POTEE: variants seen among roughly 807,000 people sequenced by gnomAD.
POTEE encodes ANKRD26-like family C member 1A.
A neutral mutation model predicts 74.2 loss-of-function variants in POTEE; 21 were observed. The ratio of observed to expected loss-of-function variants is 0.28; its 90% CI spans 0.20 to 0.41. The LOEUF (loss-of-function observed/expected upper bound fraction) is 0.41, where lower values mean the gene tolerates loss of function less well. Among genes scored for constraint, POTEE ranks in the 10% least tolerant of loss-of-function variants. The pLI is 1.00. For missense variants in POTEE, 525 were observed against 1,158.6 expected (o/e 0.45, Z 7.94); for synonymous variants, 211 against 432.8 (o/e 0.49, Z 6.36).
intron 9 of POTEE, among the ~76,000 whole-genome samples, 186 bp downstream of exon 9, chr2:131,231,092 ATAAT>A (rs1188016312): frequency 3.3e-5 from 5 of 151,302 alleles, no homozygotes; most frequent in African/African-American, 1.2e-4. Flanking sequence ...ATATAATGAA[ATAAT>A]TATACAACTT....
At position 131,220,373 on chromosome 2, in the gene POTEE, G is replaced by C. The variant is rs1040917305; in HGVS notation, c.521+1450G>C. Among the ~76,000 whole-genome samples, 200 of 151,348 alleles carry C rather than the reference G, an allele frequency of 1.3e-3. 1 individual carries two copies. Among genetic ancestry groups the C allele is most frequent in the Non-Finnish European group, 1.8e-3 (123 of 67,812 alleles). On this transcript the variant is annotated intron_variant, in intron 4 of 17. Coordinates refer to ENST00000683005, the MANE Select transcript of POTEE (RefSeq NM_001083538.3). ...CGCCTGCCACCACGCCTGGCTAATT[G>C]CTTTGTATTTTTAGTAGAGATGGGG...
chr2:131,224,140 C>G, intron 6 of POTEE, 97 bp downstream of exon 6: 1 of 1,440,514 alleles, frequency 6.9e-7, no homozygotes, highest in Non-Finnish European at 9.3e-7. Flanking sequence ...GAAGCTCAAG[C>G]ATAACCTGAA....
intron 9 of POTEE, among the ~76,000 whole-genome samples, chr2:131,231,814 A>C (rs143242285): frequency 5.5e-4 from 84 of 152,318 alleles, no homozygotes; most frequent in African/African-American, 2.0e-3. Context: ...AAACGCTAGT[A>C]TGCTACCTGG....
chr2:131,264,052 A>G lies in POTEE; in HGVS notation c.2597A>G (p.Tyr866Cys), dbSNP rs375021375. Residue 866 changes from tyrosine to cysteine, a missense_variant, in exon 18 of 18, where the codon TAT (tyrosine) becomes TGT (cysteine). Transcript: ENST00000683005. ...GDGVTHTVPI[Y>C]EGNALPHATL... ...GGGGTCACCCACACTGTGCCCATCT[A>G]TGAGGGGAATGCCCTCCCCCATGCC... 4.1e-5 allele frequency: 66 copies of G among 1,614,180 alleles called. No individual in the cohort carries two copies. The African/African-American group carries it at 7.6e-4, about 19-fold the overall frequency.
chr2:131,211,710 G>A (rs1464200871), intron 2 of POTEE, among the ~76,000 whole-genome samples: 10 of 151,138 alleles, frequency 6.6e-5, no homozygotes, highest in African/African-American at 2.2e-4. Context: ...CTGCCACCAC[G>A]CCCAGCCAAT....
At chr2:131,236,218 G>C (rs1187980413) in intron 9 of POTEE, among the ~76,000 whole-genome samples, 5 of 152,088 alleles carry the variant, frequency 3.3e-5, no homozygotes, top group African/African-American at 4.8e-5. Flanking sequence ...AATGCTGAGG[G>C]GAAGGGGAGA....
intron 9 of POTEE, among the ~76,000 whole-genome samples, chr2:131,233,803 G>C (rs1398832093): frequency 8.6e-5 from 13 of 150,354 alleles, no homozygotes; most frequent in African/African-American, 3.0e-4. Context: ...AATGAGAAAG[G>C]CTTGGGGGAC....
At position 131,228,133 on chromosome 2, in the gene POTEE, G is replaced by T. The variant is rs1376245259; in HGVS notation, c.918-111G>T. 2.9e-5 allele frequency: 43 copies of T among 1,488,470 alleles called. No individual in the cohort carries two copies. In the African/African-American group the frequency reaches 5.1e-4, roughly 18 times the overall value. The allele number at this position is 1,488,470 out of a possible 1,614,324, so 92.2% of individuals were successfully genotyped here. A position where few individuals can be genotyped will look rare whatever the true frequency, so the allele number is the denominator to read the frequency against. The stretch of plus-strand genomic sequence containing the variant: ...GCACTCAAGATGCTTATGTCTTTTA[G>T]TGCATGTAAATGTTTGATTCTGCAC... On this transcript the variant is annotated intron_variant, in intron 7 of 17. Coordinates refer to ENST00000683005, the MANE Select transcript of POTEE (RefSeq NM_001083538.3).
chr2:131,256,891 A>T (rs1321105586), intron 16 of POTEE, among the ~76,000 whole-genome samples: 1 of 152,312 alleles, frequency 6.6e-6, no homozygotes, highest in Non-Finnish European at 1.5e-5. Flanking sequence ...TCAATTGGGA[A>T]CATACCAGGG....
chr2:131,233,281 C>T (rs1218559801), intron 9 of POTEE, among the ~76,000 whole-genome samples: 1 of 151,858 alleles, frequency 6.6e-6, no homozygotes, highest in Non-Finnish European at 1.5e-5. Context: ...ATCTACTTAA[C>T]CCTGCTGTTG....
chr2:131,243,872 A>G (rs1701307501), intron 12 of POTEE, among the ~76,000 whole-genome samples: 1 of 33,636 alleles, frequency 3.0e-5, no homozygotes, highest in Non-Finnish European at 5.9e-5. Flanking sequence ...CGTCTCAAAA[A>G]AAAAAAAAAA....
At chr2:131,210,406 A>G (rs1700333291) in intron 1 of POTEE, among the ~76,000 whole-genome samples, 1 of 149,428 alleles carries the variant, frequency 6.7e-6, no homozygotes, top group African/African-American at 2.5e-5. Flanking sequence ...CGGGGGCTAC[A>G]CTGCCGGCGG....
intron 6 of POTEE, among the ~76,000 whole-genome samples, chr2:131,225,386 A>G (rs1348722559): frequency 1.3e-5 from 2 of 151,932 alleles, no homozygotes; most frequent in African/African-American, 4.8e-5. Flanking sequence ...TCTAACAACA[A>G]CAACAACAAC....
chr2:131,264,201 C>T lies in POTEE; in HGVS notation c.2746C>T (p.Leu916=), dbSNP rs1701829259. The part of the protein sequence containing the change: ...REIVRDIKEK[L]CYVALDFEQE... ...AATCGTGCGTGACATCAAAGAGAAG[C>T]TGTGCTATGTTGCCCTGGACTTCGA... is the stretch of plus-strand genomic sequence containing the variant. Residue 916 remains leucine, a synonymous_variant, in exon 18 of 18, where the codon CTG becomes TTG. Transcript: ENST00000683005. The T allele has an allele frequency of 1.2e-6, 2 of 1,614,318 alleles. No individual in the cohort carries two copies. Among genetic ancestry groups the T allele is most frequent in the Non-Finnish European group, 1.7e-6 (2 of 1,180,060 alleles).
Position 131,263,353 on chromosome 2 carries a change from A to G in POTEE, c.1900-2A>G, listed in dbSNP as rs1354306574. The stretch of plus-strand genomic sequence containing the variant: ...AACTAAAAGTTCTCTTTGTTTACTT[A>G]GCTTTCTCTTAGTTGTAAGAAAGAA... On this transcript the variant is annotated splice_acceptor_variant, in intron 17 of 17. Coordinates refer to ENST00000683005, the MANE Select transcript of POTEE (RefSeq NM_001083538.3). LOFTEE classifies it high-confidence loss of function. 9 of 1,609,930 alleles carry G rather than the reference A, an allele frequency of 5.6e-6. No individual in the cohort carries two copies. The highest frequency in any genetic ancestry group is 7.6e-6 in the Non-Finnish European group (9 of 1,179,262).
At chr2:131,246,710 GTTA>G (rs1335761090) in intron 13 of POTEE, among the ~76,000 whole-genome samples, 1 of 45,242 alleles carries the variant, frequency 2.2e-5, no homozygotes, top group African/African-American at 8.6e-5. Flanking sequence ...ACAGGAGCTT[GTTA>G]TTATTATCAT....
intron 9 of POTEE, among the ~76,000 whole-genome samples, chr2:131,234,122 A>C (rs1271122704): frequency 2.7e-5 from 4 of 150,400 alleles, no homozygotes; most frequent in African/African-American, 7.5e-5. Context: ...ATCAATGATC[A>C]AAAGTTAGCA....
intron 6 of POTEE, 84 bp from the exon 7 acceptor site, chr2:131,226,739 A>G (rs1235279398): frequency 6.3e-7 from 1 of 1,594,670 alleles, no homozygotes; most frequent in East Asian, 2.2e-5. Context: ...TAAGTCCATA[A>G]GATCTTACAT....
At chr2:131,232,824 C>A (rs1459446128) in intron 9 of POTEE, among the ~76,000 whole-genome samples, 1 of 151,806 alleles carries the variant, frequency 6.6e-6, no homozygotes, top group African/African-American at 2.4e-5. Flanking sequence ...CTCCAAACAT[C>A]TTGTTCTCAC....
Sources: gnomAD v4.1 joint callset for allele counts (sites outside exome capture counted in the v4.1 genomes callset) on GRCh38, gnomAD v4.1.1 for gene constraint, MANE v1.5 for transcripts, NCBI Gene and HGNC (gene_info 2026-07-23, HGNC 2026-07-21) for gene names.